The following KLF17 variants were observed in gnomAD, a reference collection of about 807,000 sequenced individuals.
KLF17 encodes the protein Krueppel-like factor 17.
In KLF17, 31 loss-of-function variants were observed where a neutral mutation model predicts 34.2. That is an observed-to-expected ratio of 0.91 (90% CI 0.68 to 1.22). KLF17 has a LOEUF of 1.22. KLF17 is among the 50% of genes most tolerant of loss of function. KLF17 has a pLI of 0.00. For synonymous variants in KLF17, 179 were observed against 186.7 expected, an observed-to-expected ratio of 0.96 and a Z score of 0.34; for missense variants, 478 against 505.2, an observed-to-expected ratio of 0.95 and a Z score of 0.52.
At chr1:44,112,118 C>G in the KLF17 span, among the ~76,000 whole-genome samples, 1 of 152,188 alleles carries the variant, frequency 6.6e-6, no homozygotes, top group Non-Finnish European at 1.5e-5. Flanking sequence ...TTTGACCATA[C>G]CAACATGTAT....
chr1:44,055,024 C>A, the KLF17 span, among the ~76,000 whole-genome samples: 1 of 152,032 alleles, frequency 6.6e-6, no homozygotes, highest in Non-Finnish European at 1.5e-5. Context: ...CGTGATCCAC[C>A]CGCCTCAGCC....
At chr1:44,127,670 C>CTT (rs1353167563) in intron 1 of KLF17, among the ~76,000 whole-genome samples, 5 of 45,000 alleles carry the variant, frequency 1.1e-4, no homozygotes, top group East Asian at 6.6e-4. Context: ...TTCTTTCTTT[C>CTT]TTTCTTTCTT....
At chr1:44,107,863 C>T in the KLF17 span, among the ~76,000 whole-genome samples, 2 of 151,934 alleles carry the variant, frequency 1.3e-5, no homozygotes, top group African/African-American at 4.8e-5. Context: ...TAGGTATGTA[C>T]GTATAGGAAA....
chr1:44,068,093 C>T, the KLF17 span, among the ~76,000 whole-genome samples: 4 of 151,090 alleles, frequency 2.6e-5, no homozygotes, highest in Non-Finnish European at 5.9e-5. Context: ...GGTGTGATCT[C>T]GGCTCACTAT....
the KLF17 span, among the ~76,000 whole-genome samples, chr1:44,095,757 A>G: frequency 3.9e-3 from 593 of 150,576 alleles, 2 homozygotes; most frequent in Non-Finnish European, 5.2e-3. Context: ...GTTCATTCCT[A>G]TCTATTTTTG....
intron 3 of KLF17, among the ~76,000 whole-genome samples, chr1:44,132,574 C>T (rs767670732): frequency 6.6e-6 from 1 of 152,198 alleles, no homozygotes; most frequent in Non-Finnish European, 1.5e-5. Flanking sequence ...TCCATTTTCT[C>T]ACTTCCAATG....
chr1:44,048,923 C>G, the KLF17 span, among the ~76,000 whole-genome samples: 1 of 152,200 alleles, frequency 6.6e-6, no homozygotes, highest in African/African-American at 2.4e-5. Flanking sequence ...AAGCATATAG[C>G]TTAATGCGTC....
chr1:44,130,236 C>G, intron 2 of KLF17, 40 bp downstream of exon 2: 3 of 1,567,778 alleles, frequency 1.9e-6, no homozygotes, highest in Non-Finnish European at 2.6e-6. Context: ...GGAGGAGTCT[C>G]TGGGCTTTAG....
chr1:44,089,791 C>T, the KLF17 span, among the ~76,000 whole-genome samples: 2 of 152,124 alleles, frequency 1.3e-5, no homozygotes, highest in South Asian at 2.1e-4. Context: ...GGGCTAGGCA[C>T]CTGTTTTTGT....
chr1:44,077,098 A>G, the KLF17 span, among the ~76,000 whole-genome samples: 1 of 151,334 alleles, frequency 6.6e-6, no homozygotes, highest in Non-Finnish European at 1.5e-5. Flanking sequence ...TAATCCCAGC[A>G]CTTTGGAAGG....
the KLF17 span, among the ~76,000 whole-genome samples, chr1:44,056,234 C>A: frequency 6.6e-6 from 1 of 152,250 alleles, no homozygotes; most frequent in African/African-American, 2.4e-5. Context: ...CTAGGGAAGA[C>A]GGACAGGAAC....
At chr1:44,058,749 G>A in the KLF17 span, among the ~76,000 whole-genome samples, 6 of 136,518 alleles carry the variant, frequency 4.4e-5, no homozygotes, top group African/African-American at 1.7e-4. Flanking sequence ...GTGCAGTGGC[G>A]CTGTCTCGGC....
At chr1:44,121,829 T>C (rs2087949072) in intron 1 of KLF17, among the ~76,000 whole-genome samples, 1 of 152,192 alleles carries the variant, frequency 6.6e-6, no homozygotes, top group Admixed American at 6.5e-5. Context: ...GTGATACTTG[T>C]ATTAAGGTAG....
the KLF17 span, among the ~76,000 whole-genome samples, chr1:44,093,682 A>G: frequency 6.6e-6 from 1 of 152,204 alleles, no homozygotes; most frequent in African/African-American, 2.4e-5. Context: ...GGTGTGAGCC[A>G]CCGCACTCAT....
chr1:44,090,629 A>G, the KLF17 span, among the ~76,000 whole-genome samples: 12 of 152,214 alleles, frequency 7.9e-5, no homozygotes, highest in Admixed American at 6.6e-4. Flanking sequence ...GAGAAACAAC[A>G]CGAAAACGAA....
At chr1:44,126,829 G>A in intron 1 of KLF17, among the ~76,000 whole-genome samples, 1 of 152,022 alleles carries the variant, frequency 6.6e-6, no homozygotes, top group East Asian at 1.9e-4. Flanking sequence ...ACTGGACAGA[G>A]CTAGAAAAAA....
At chr1:44,077,920 G>C in the KLF17 span, among the ~76,000 whole-genome samples, 36 of 152,332 alleles carry the variant, frequency 2.4e-4, 1 homozygote, top group African/African-American at 8.7e-4. Context: ...ACAGAAGTAC[G>C]TGGAATTGGA....
At chr1:44,071,245 T>C in the KLF17 span, among the ~76,000 whole-genome samples, 2 of 152,208 alleles carry the variant, frequency 1.3e-5, no homozygotes, top group African/African-American at 4.8e-5. Context: ...CTCAAGGTTC[T>C]TCTTCCTGGA....
chr1:44,100,221 G>A, the KLF17 span, among the ~76,000 whole-genome samples: 2 of 146,140 alleles, frequency 1.4e-5, no homozygotes, highest in African/African-American at 5.1e-5. Context: ...TCACGCCACT[G>A]AACTCTAGCC....
Sources: allele counts gnomAD v4.1 joint callset (sites outside exome capture counted in the v4.1 genomes callset), GRCh38; gene constraint gnomAD v4.1.1; transcripts MANE v1.5; gene names NCBI Gene and HGNC (gene_info 2026-07-23, HGNC 2026-07-21).